Variants in RALGPS1 observed in about 807,000 individuals in gnomAD.
RALGPS1 encodes ras-specific guanine nucleotide-releasing factor RalGPS1.
In RALGPS1, 19 loss-of-function variants were observed where a neutral mutation model predicts 78.8. The observed-to-expected ratio is 0.24, with a 90% CI of 0.17 to 0.35. RALGPS1 has a LOEUF of 0.35. Among genes scored for constraint, RALGPS1 ranks in the 10% least tolerant of loss-of-function variants. The pLI is 1.00. For synonymous variants in RALGPS1, 228 were observed against 256.3 expected, an observed-to-expected ratio of 0.89 and a Z score of 1.06; for missense variants, 454 against 688.3, an observed-to-expected ratio of 0.66 and a Z score of 3.81.
intron 18 of RALGPS1, chr9:127,217,474 T>TA (rs2131049277): frequency 5.1e-6 from 5 of 982,220 alleles, no homozygotes; most frequent in Non-Finnish European, 6.0e-6. Flanking sequence ...CTAGAGTGAT[T>TA]TTCTGTTCTG....
chr9:127,138,815 G>A (rs1354317353), intron 8 of RALGPS1, among the ~76,000 whole-genome samples: 2 of 152,184 alleles, frequency 1.3e-5, no homozygotes, highest in Non-Finnish European at 2.9e-5. Flanking sequence ...AGCCTGATGT[G>A]ACATCCATTA....
intron 5 of RALGPS1, among the ~76,000 whole-genome samples, chr9:127,039,071 T>C (rs547032007): frequency 6.6e-6 from 1 of 151,816 alleles, no homozygotes; most frequent in African/African-American, 2.4e-5. Flanking sequence ...AGTCCGGAAG[T>C]TGGGGAAAGG....
At position 127,205,539 on chromosome 9, in the gene RALGPS1, T is replaced by A. The variant is rs988214270; in HGVS notation, c.1247+6473T>A. On this transcript the variant is annotated intron_variant, in intron 14 of 18. Coordinates refer to ENST00000259351, the MANE Select transcript of RALGPS1 (RefSeq NM_014636.3). This position sits in a 1 kb window ranked among gnomAD's most constrained non-coding sequence, Gnocchi z 4.0. ...TCGAGCCCTGCCAGGCAGCTGTTGC[T>A]GCTTCATGGGTAGCTGGGAAATCTC... 2.6e-5 allele frequency among the ~76,000 whole-genome samples: 4 copies of A among 152,242 alleles called. No homozygotes were observed. The highest frequency in any genetic ancestry group is 5.9e-5 in the Non-Finnish European group (4 of 68,044).
At chr9:126,915,310 C>A in intron 1 of RALGPS1, 1 of 68,020 alleles carries the variant, frequency 1.5e-5, no homozygotes, top group South Asian at 5.6e-4. Context: ...CGGGGCGCCG[C>A]GGCTGCAGGT....
In RALGPS1 at chr9:127,211,466, C is replaced by G. The variant is rs78812592; in HGVS notation, c.1248-665C>G. ...GGATTGATTAGGTTGCAGGGGCATCCGAGAGGAAGAAAATCCCCGCTTTCT... is the reference window on the plus strand; with the variant it reads ...GGATTGATTAGGTTGCAGGGGCATCGGAGAGGAAGAAAATCCCCGCTTTCT... On this transcript the variant is annotated intron_variant, in intron 14 of 18. Coordinates refer to ENST00000259351, the MANE Select transcript of RALGPS1 (RefSeq NM_014636.3). This position sits in a 1 kb window ranked among gnomAD's most constrained non-coding sequence, Gnocchi z 5.0. 6.6e-6 allele frequency among the ~76,000 whole-genome samples: 1 copy of G among 152,236 alleles called. No individual in the cohort carries two copies. Among genetic ancestry groups the G allele is most frequent in the Non-Finnish European group, 1.5e-5 (1 of 68,010 alleles).
chr9:127,004,194 A>G (rs2043615364), intron 4 of RALGPS1, among the ~76,000 whole-genome samples: 1 of 151,950 alleles, frequency 6.6e-6, no homozygotes, highest in Admixed American at 6.6e-5. Flanking sequence ...TGCCCAGGCT[A>G]AAGCGCAATG....
intron 4 of RALGPS1, among the ~76,000 whole-genome samples, chr9:127,021,528 A>T (rs949425759): frequency 8.0e-5 from 12 of 149,562 alleles, no homozygotes; most frequent in East Asian, 1.9e-4. Context: ...TCAGATTTTT[A>T]AAAAAAGTTC....
intron 18 of RALGPS1, chr9:127,217,474 T>C (rs1170998038): frequency 7.1e-6 from 7 of 982,100 alleles, no homozygotes; most frequent in Middle Eastern, 5.2e-4. Context: ...CTAGAGTGAT[T>C]TTCTGTTCTG....
chr9:127,089,274 A>G lies in RALGPS1; in HGVS notation c.610+19918A>G, dbSNP rs577841438. 3.8e-5 allele frequency: 33 copies of G among 870,126 alleles called. No individual in the cohort carries two copies. In the African/African-American group the frequency reaches 5.0e-4, roughly 13 times the overall value. 53.9% of individuals were successfully genotyped at this position (870,126 alleles called of 1,614,324 possible). The stretch of plus-strand genomic sequence containing the variant: ...ACGCTTGAAAGGTGGACCCGTCTCC[A>G]TGGGTGGTGAGAGGCCATGCTTCAG... On this transcript the variant is annotated intron_variant, in intron 8 of 18. Transcript: ENST00000259351.
At position 126,991,945 on chromosome 9, in the gene RALGPS1, G is replaced by A. The variant is rs76242040; in HGVS notation, c.216+14200G>A. On this transcript the variant is annotated intron_variant, in intron 4 of 18. Transcript: ENST00000259351. Reference sequence around the variant, plus strand: ...CAGCAGTATGTAAAGCTTCCCAAGGGTAGGACCTCATCTGTCATTGCTATA... The same window carrying A: ...CAGCAGTATGTAAAGCTTCCCAAGGATAGGACCTCATCTGTCATTGCTATA... 2.7e-3 allele frequency among the ~76,000 whole-genome samples: 405 copies of A among 152,324 alleles called. 1 individual carries two copies. Among genetic ancestry groups the A allele is most frequent in the Non-Finnish European group, 4.3e-3 (292 of 68,024 alleles).
chr9:127,158,488 A>G (rs943875193), intron 8 of RALGPS1, among the ~76,000 whole-genome samples: 1 of 152,178 alleles, frequency 6.6e-6, no homozygotes, highest in African/African-American at 2.4e-5. Context: ...ATTTGAAATC[A>G]TATCCCCGCT....
intron 4 of RALGPS1, among the ~76,000 whole-genome samples, chr9:127,007,765 G>A (rs542518344): frequency 3.9e-5 from 6 of 152,326 alleles, no homozygotes; most frequent in African/African-American, 1.4e-4. Context: ...AGCCAGCCAG[G>A]GGTCAGGGCC....
chr9:126,959,093 C>T (rs1301020616), intron 1 of RALGPS1, among the ~76,000 whole-genome samples: 10 of 146,860 alleles, frequency 6.8e-5, no homozygotes, highest in African/African-American at 2.3e-4. Context: ...GGTGGAGTCT[C>T]ACTCTGTTGC....
intron 8 of RALGPS1, among the ~76,000 whole-genome samples, chr9:127,071,627 A>C (rs1288655703): frequency 6.6e-6 from 1 of 152,108 alleles, no homozygotes; most frequent in Non-Finnish European, 1.5e-5. Flanking sequence ...AAAACAGTTA[A>C]GGCTATACAT....
intron 8 of RALGPS1, among the ~76,000 whole-genome samples, chr9:127,092,389 A>G (rs1173249539): frequency 2.6e-5 from 4 of 152,010 alleles, no homozygotes; most frequent in African/African-American, 7.3e-5. Context: ...GTGAGCTGTG[A>G]CGCATGTGTC....
chr9:126,968,054 G>A (rs2039708276), intron 3 of RALGPS1, among the ~76,000 whole-genome samples: 1 of 149,168 alleles, frequency 6.7e-6, no homozygotes, highest in African/African-American at 2.5e-5. Flanking sequence ...CCAGGCTGGA[G>A]TGCAGTGGCA....
intron 8 of RALGPS1, among the ~76,000 whole-genome samples, chr9:127,152,225 C>T (rs1158971554): frequency 6.6e-6 from 1 of 152,152 alleles, no homozygotes; most frequent in African/African-American, 2.4e-5. Flanking sequence ...TGTGGTCTCT[C>T]TTATCCCTCT....
At chr9:127,008,310 C>G (rs554622948) in intron 4 of RALGPS1, among the ~76,000 whole-genome samples, 1 of 152,264 alleles carries the variant, frequency 6.6e-6, no homozygotes, top group East Asian at 1.9e-4. Flanking sequence ...TTCCATGGAC[C>G]TAATCTTCAT....
In RALGPS1 at chr9:127,218,318, C is replaced by T. The variant is rs897560123; in HGVS notation, c.1645-422C>T. 1.3e-5 allele frequency among the ~76,000 whole-genome samples: 2 copies of T among 152,198 alleles called. No homozygotes were observed. Among genetic ancestry groups the T allele is most frequent in the Admixed American group, 6.5e-5 (1 of 15,284 alleles). On this transcript the variant is annotated intron_variant, in intron 18 of 18. Coordinates refer to ENST00000259351, the MANE Select transcript of RALGPS1 (RefSeq NM_014636.3). This position sits in a 1 kb window ranked among gnomAD's most constrained non-coding sequence, Gnocchi z 4.4. ...CCTTTGCCAACTCCAGCCACCCACC[C>T]TCTGCACACACCTCAGGCCTTCAGG...
Sources: gnomAD v4.1 joint callset for allele counts (sites outside exome capture counted in the v4.1 genomes callset) on GRCh38, gnomAD v4.1.1 for gene constraint, Gnocchi (gnomAD v3.1) non-coding constraint, MANE v1.5 for transcripts, NCBI Gene and HGNC (gene_info 2026-07-23, HGNC 2026-07-21) for gene names.